The following GCA variants were observed in gnomAD, a reference collection of about 807,000 sequenced individuals.
GCA encodes grancalcin, also known as grancalcin, EF-hand calcium-binding protein.
GCA carries 30 observed loss-of-function variants against 32.6 expected under a neutral mutation model. The ratio of observed to expected loss-of-function variants is 0.92; its 90% confidence interval spans 0.69 to 1.25. The LOEUF is 1.25. Among genes scored for constraint, GCA ranks in the 50% most tolerant of loss-of-function variants. The pLI, the probability that GCA is intolerant of heterozygous loss-of-function variation, is 0.00. For missense variants in GCA, 291 were observed against 266.8 expected (o/e 1.09, Z -0.63); for synonymous variants, 102 against 84.6 (o/e 1.21, Z -1.13).
intron 1 of GCA, among the ~76,000 whole-genome samples, chr2:162,338,399 T>C (rs1028066616): frequency 6.6e-6 from 1 of 152,166 alleles, no homozygotes; most frequent in African/African-American, 2.4e-5. Flanking sequence ...CTACTCTAAC[T>C]TAACTGACAC....
intron 1 of GCA, chr2:162,346,617 C>G (rs1318242848): frequency 1.3e-5 from 2 of 152,194 alleles, no homozygotes; most frequent in Admixed American, 6.5e-5. Flanking sequence ...GTGGAAGAGC[C>G]ATGTGAAAGG....
downstream of GCA, among the ~76,000 whole-genome samples, chr2:162,373,014 CCTA>C (rs1488207761): frequency 6.6e-6 from 1 of 152,098 alleles, no homozygotes; most frequent in East Asian, 1.9e-4. Context: ...ATCTGGCCAG[CCTA>C]CTATTTCTCC....
chr2:162,363,720 T>TCCTG, downstream of GCA, among the ~76,000 whole-genome samples: 1 of 151,606 alleles, frequency 6.6e-6, no homozygotes, highest in East Asian at 1.9e-4. Flanking sequence ...TTTAATCATT[T>TCCTG]CCTGCCATAT....
At chr2:162,319,606 CAT>C (rs1231441303) in intron 1 of GCA, among the ~76,000 whole-genome samples, 5 of 151,834 alleles carry the variant, frequency 3.3e-5, no homozygotes. Flanking sequence ...AGAAAAAAAA[CAT>C]ATTCACACTG....
chr2:162,352,844 CT>C (rs1217802346), intron 3 of GCA, among the ~76,000 whole-genome samples: 2 of 152,112 alleles, frequency 1.3e-5, no homozygotes, highest in African/African-American at 4.8e-5. Flanking sequence ...TATATAGTAA[CT>C]TTTGTTAGGT....
chr2:162,342,616 T>C (rs915905622), upstream of GCA, among the ~76,000 whole-genome samples: 2 of 152,184 alleles, frequency 1.3e-5, no homozygotes, highest in African/African-American at 4.8e-5. Context: ...ATCTTTGCAA[T>C]TAAATGTGCA....
intron 6 of GCA, 163 bp from the exon 7 acceptor site, chr2:162,359,331 A>T (rs1685452129): frequency 6.7e-6 from 4 of 596,798 alleles, no homozygotes; most frequent in Non-Finnish European, 1.2e-5. Context: ...TAAAAACGTT[A>T]TGTTATTTTT....
intron 2 of GCA, among the ~76,000 whole-genome samples, chr2:162,349,365 T>A (rs1006445088): frequency 3.3e-5 from 5 of 152,114 alleles, no homozygotes; most frequent in Non-Finnish European, 7.4e-5. Flanking sequence ...TTGAAATAAA[T>A]GAGCTTGTCT....
chr2:162,342,805 G>A (rs997637461), upstream of GCA, among the ~76,000 whole-genome samples: 1 of 152,154 alleles, frequency 6.6e-6, no homozygotes, highest in African/African-American at 2.4e-5. Context: ...TTAATCCGTT[G>A]GAATAAAATT....
chr2:162,352,287 A>G, intron 2 of GCA, 51 bp from the exon 3 acceptor site: 1 of 1,040,402 alleles, frequency 9.6e-7, no homozygotes, highest in Non-Finnish European at 1.5e-6. Flanking sequence ...ACATTTTAAT[A>G]TGCTTTTATA....
chr2:162,344,207 C>G lies in GCA; in HGVS notation c.-42C>G. The G allele has an allele frequency of 6.2e-7, 1 of 1,612,588 alleles. No individual in the cohort carries two copies. Among genetic ancestry groups the G allele is most frequent in the Non-Finnish European group, 8.5e-7 (1 of 1,178,926 alleles). ...GTGCTTTTTCTCCCAGCACTGCGGA[C>G]GCGACTCGAGGGTGACGCTCGCTCC... is the stretch of plus-strand genomic sequence containing the variant. On this transcript the variant is annotated 5_prime_UTR_variant, in exon 1 of 8. Coordinates refer to ENST00000437150, the MANE Select transcript of GCA (RefSeq NM_012198.5).
rs973031194 is a variant in GCA, at chr2:162,371,223, C to G, written c.366-83C>G. 3 of 527,068 alleles carry G rather than the reference C, an allele frequency of 5.7e-6. No individual in the cohort carries two copies. The African/African-American group carries it at 5.9e-5, about 10-fold the overall frequency. The allele number at this position is 527,068 out of a possible 1,614,324, so 32.6% of individuals were successfully genotyped here. The stretch of plus-strand genomic sequence containing the variant: ...AATAGAAAGACCTTTGTTCTCATTA[C>G]TGTTGGCCTATGTTTAGTTTTTGGA... On this transcript the variant is annotated intron_variant, in intron 4 of 4. Transcript: ENST00000414723.
intron 2 of GCA, among the ~76,000 whole-genome samples, chr2:162,350,612 A>G (rs1483958111): frequency 3.9e-5 from 6 of 152,224 alleles, no homozygotes; most frequent in African/African-American, 1.4e-4. Flanking sequence ...ATATAAAATT[A>G]CAACTTAAAG....
At chr2:162,363,509 G>A (rs1181149457), downstream of GCA, among the ~76,000 whole-genome samples, 3 of 151,168 alleles carry the variant, frequency 2.0e-5, no homozygotes. Flanking sequence ...GAAGTTATGA[G>A]TGCAGACAGG....
chr2:162,324,138 C>T (rs1046410567), intron 1 of GCA, among the ~76,000 whole-genome samples: 1 of 152,000 alleles, frequency 6.6e-6, no homozygotes, highest in Non-Finnish European at 1.5e-5. Flanking sequence ...CCTCAGTGGG[C>T]GTGTGTTACA....
intron 1 of GCA, 50 bp from the exon 2 acceptor site, chr2:162,347,528 A>G: frequency 1.8e-6 from 2 of 1,139,468 alleles, no homozygotes; most frequent in Middle Eastern, 2.0e-4. Context: ...ACTTTCATAG[A>G]TAATAGGTAG....
intron 1 of GCA, among the ~76,000 whole-genome samples, chr2:162,331,451 T>C (rs1470793233): frequency 6.6e-6 from 1 of 152,246 alleles, no homozygotes; most frequent in Non-Finnish European, 1.5e-5. Context: ...TGCTGAGATA[T>C]CATCCCCAAT....
intron 1 of GCA, among the ~76,000 whole-genome samples, chr2:162,321,090 G>A (rs555166359): frequency 6.6e-6 from 1 of 152,258 alleles, no homozygotes; most frequent in African/African-American, 2.4e-5. Context: ...GTCTTGATGG[G>A]ACCCTTTTTG....
chr2:162,359,661 C>A, intron 7 of GCA, 109 bp downstream of exon 7: 1 of 504,316 alleles, frequency 2.0e-6, no homozygotes, highest in Non-Finnish European at 3.7e-6. Flanking sequence ...ATTTGGTATG[C>A]CACATACTTT....
Sources: allele counts gnomAD v4.1 joint callset (sites outside exome capture counted in the v4.1 genomes callset), GRCh38; gene constraint gnomAD v4.1.1; transcripts MANE v1.5; gene names NCBI Gene and HGNC (gene_info 2026-07-23, HGNC 2026-07-21).